The following NCOR2 variants were observed in gnomAD, a reference collection of about 807,000 sequenced individuals.
NCOR2 encodes CTG repeat protein 26.
Under a neutral mutation model 262.9 loss-of-function variants are expected in NCOR2, and 81 were observed. The observed-to-expected ratio is 0.31, with a 90% CI of 0.26 to 0.37. The LOEUF (loss-of-function observed/expected upper bound fraction) is 0.37, where lower values mean the gene tolerates loss of function less well. Ranked by LOEUF, NCOR2 falls within the 10% of genes least tolerant of loss-of-function variation. The pLI is 1.00. For synonymous variants in NCOR2, 1,659 were observed against 1,559.3 expected (o/e 1.06, Z -1.51); for missense variants, 3,385 against 3,621.4 (o/e 0.93, Z 1.68).
At chr12:124,527,840 C>G (rs891334226) in intron 1 of NCOR2, among the ~76,000 whole-genome samples, 2 of 152,226 alleles carry the variant, frequency 1.3e-5, no homozygotes, top group African/African-American at 4.8e-5. Context: ...GGTTTACAAA[C>G]CCAACTGCAG....
chr12:124,567,609 T>TGGCGGCGGCGGA (rs2052292091), upstream of NCOR2: 1 of 143,906 alleles, frequency 6.9e-6, no homozygotes, highest in Non-Finnish European at 1.5e-5. Flanking sequence ...GCGGCGGCGG[T>TGGCGGCGGCGGA]GGCGGCGGCG....
intron 1 of NCOR2, among the ~76,000 whole-genome samples, chr12:124,487,994 T>C (rs573587786): frequency 6.6e-6 from 1 of 152,276 alleles, no homozygotes; most frequent in South Asian, 2.1e-4. Context: ...TGAGGCTGTT[T>C]GCGGCAATCA....
chr12:124,393,549 G>A (rs2041460212), intron 16 of NCOR2, among the ~76,000 whole-genome samples: 1 of 152,200 alleles, frequency 6.6e-6, no homozygotes. Context: ...CTTCTCATGG[G>A]GCCACACTGC....
chr12:124,406,823 C>T (rs564739385), intron 13 of NCOR2, among the ~76,000 whole-genome samples: 22 of 152,340 alleles, frequency 1.4e-4, no homozygotes, highest in Admixed American at 1.2e-3. Context: ...AGACAAGCAG[C>T]ACATGACTGG....
At chr12:124,556,674 A>G (rs538438990) in intron 1 of NCOR2, among the ~76,000 whole-genome samples, 32 of 152,192 alleles carry the variant, frequency 2.1e-4, no homozygotes, top group Middle Eastern at 3.2e-3. Context: ...AGCCTGGCCA[A>G]CATGGCAAAA....
At chr12:124,335,213 G>C (rs1411639736) in exon 40 of NCOR2, 1 of 1,610,714 alleles carries the variant, frequency 6.2e-7, no homozygotes, top group Non-Finnish European at 8.5e-7. Flanking sequence ...GGCTGGACGA[G>C]GGCTGGCTCT....
intron 8 of NCOR2, among the ~76,000 whole-genome samples, chr12:124,431,223 CAGAT>C (rs1020843473): frequency 6.9e-4 from 105 of 151,522 alleles, no homozygotes; most frequent in African/African-American, 2.4e-3. Flanking sequence ...TACAGTCAGA[CAGAT>C]ATACACAGGC....
intron 9 of NCOR2, 110 bp downstream of exon 11, chr12:124,430,505 A>G: frequency 7.4e-7 from 1 of 1,359,514 alleles, no homozygotes; most frequent in East Asian, 2.3e-5. Flanking sequence ...CACTGGCCTG[A>G]GAAGCTGCTG....
intron 4 of NCOR2, among the ~76,000 whole-genome samples, chr12:124,467,410 CCCCCATCATCCTCATCCTCATCA>C (rs1313132012): frequency 3.0e-3 from 4 of 1,332 alleles, no homozygotes; most frequent in Non-Finnish European, 8.3e-3. Flanking sequence ...ATCCTCATCA[CCCCCATCATCCTCATCCTCATCA>C]CCCCATCATC....
chr12:124,443,027 C>G lies in NCOR2; in HGVS notation c.816-5031G>C, dbSNP rs2044915291. The stretch of plus-strand genomic sequence containing the variant: ...GAACCGGCAAGGAAGCAGCCTCCCC[C>G]AGAGCCTTCTAGAGAATGTGGTCCT... On this transcript the variant is annotated intron_variant, in intron 7 of 46. Transcript: ENST00000405201. The surrounding 1 kb of genome is among the most constrained non-coding windows in gnomAD (Gnocchi z 4.4). Among the ~76,000 whole-genome samples the G allele has an allele frequency of 6.6e-6, 1 of 152,246 alleles. No homozygotes were observed. Among genetic ancestry groups the G allele is most frequent in the African/African-American group, 2.4e-5 (1 of 41,472 alleles).
At chr12:124,417,135 A>AGACACTCACTCCACGCAGAGCAGGCCG (rs2042935255) in intron 13 of NCOR2, among the ~76,000 whole-genome samples, 2 of 37,188 alleles carry the variant, frequency 5.4e-5, no homozygotes, top group African/African-American at 1.4e-4. Context: ...AGAGCAGACC[A>AGACACTCACTCCACGCAGAGCAGGCCG]GACACTCACT....
At chr12:124,445,278 C>T (rs992527681) in intron 7 of NCOR2, among the ~76,000 whole-genome samples, 2 of 152,194 alleles carry the variant, frequency 1.3e-5, no homozygotes, top group Non-Finnish European at 2.9e-5. Flanking sequence ...AGCATCCTGC[C>T]CAGGGTGGGG....
At chr12:124,338,901 C>T (rs1346683331) in intron 37 of NCOR2, among the ~76,000 whole-genome samples, 1 of 117,440 alleles carries the variant, frequency 8.5e-6, no homozygotes. Context: ...AACCCTACCA[C>T]CCACCCATCC....
At chr12:124,490,986 C>A (rs556470511) in intron 1 of NCOR2, among the ~76,000 whole-genome samples, 8 of 152,342 alleles carry the variant, frequency 5.3e-5, no homozygotes, top group African/African-American at 1.9e-4. Context: ...CATAGGGAGT[C>A]TGATAAGAGC....
chr12:124,530,747 T>C (rs1221676689), intron 1 of NCOR2, among the ~76,000 whole-genome samples: 2 of 152,040 alleles, frequency 1.3e-5, no homozygotes, highest in Non-Finnish European at 2.9e-5. Context: ...AAAAGCAAGG[T>C]GAGAAATACC....
intron 16 of NCOR2, among the ~76,000 whole-genome samples, chr12:124,395,349 C>T (rs2041583621): frequency 6.6e-6 from 1 of 152,152 alleles, no homozygotes; most frequent in Non-Finnish European, 1.5e-5. Flanking sequence ...CTCCCTCCTG[C>T]CATCGCCTGG....
intron 22 of NCOR2, among the ~76,000 whole-genome samples, chr12:124,358,930 T>A (rs1245478504): frequency 6.6e-6 from 1 of 152,268 alleles, no homozygotes; most frequent in Non-Finnish European, 1.5e-5. Context: ...TTAAGCCACC[T>A]GGTCAAAGGC....
intron 10 of NCOR2, 116 bp downstream of exon 12, chr12:124,429,497 T>A (rs1024052356): frequency 1.6e-5 from 18 of 1,118,930 alleles, no homozygotes; most frequent in Non-Finnish European, 2.3e-5. Context: ...CGCGCTTCGG[T>A]GGCAAAGCCC....
At chr12:124,335,415 G>C in intron 39 of NCOR2, 68 bp downstream of exon 41, 1 of 1,547,068 alleles carries the variant, frequency 6.5e-7, no homozygotes, top group Non-Finnish European at 8.7e-7. Flanking sequence ...TTTCCTATCT[G>C]CATGATGGGG....
Sources: gnomAD v4.1 joint callset for allele counts (sites outside exome capture counted in the v4.1 genomes callset) on GRCh38, gnomAD v4.1.1 for gene constraint, Gnocchi (gnomAD v3.1) non-coding constraint, MANE v1.5 for transcripts, NCBI Gene and HGNC (gene_info 2026-07-23, HGNC 2026-07-21) for gene names.